SIX1: variants seen among roughly 807,000 people sequenced by gnomAD.
The protein encoded by SIX1 is SIX homeobox 1, also known as homeobox protein SIX1.
In SIX1, 11 loss-of-function variants were observed where a neutral mutation model predicts 26.5. That is an observed-to-expected ratio of 0.41 (90% CI 0.26 to 0.69). The LOEUF (loss-of-function observed/expected upper bound fraction) is 0.69, where lower values mean the gene tolerates loss of function less well. SIX1 is among the 30% of genes least tolerant of loss of function. The pLI is 0.28. For synonymous variants in SIX1, 177 were observed against 166.2 expected (o/e 1.06, Z -0.50); for missense variants, 333 against 365.9 (o/e 0.91, Z 0.73).
chr14:60,646,040 A>G lies in SIX1; in HGVS notation c.*243T>C, dbSNP rs1255208969. On this transcript the variant is annotated 3_prime_UTR_variant, in exon 2 of 2. Coordinates refer to ENST00000645694, the MANE Select transcript of SIX1 (RefSeq NM_005982.4). ...GGGTTTTTTTTTTTTTTTTTCCCTG[A>G]TCTCTGCATTGGGAAGGAAAATGCA... 10 of 283,474 alleles carry G rather than the reference A, an allele frequency of 3.5e-5. No homozygotes were observed. Among genetic ancestry groups the G allele is most frequent in the Non-Finnish European group, 5.0e-5 (8 of 161,508 alleles). The allele number at this position is 283,474 out of a possible 1,614,324, so 17.6% of individuals were successfully genotyped here.
In SIX1 at chr14:60,647,766, T is replaced by C. The variant is rs774307473; in HGVS notation, c.560+864A>G. 3.4e-4 allele frequency among the ~76,000 whole-genome samples: 52 copies of C among 152,236 alleles called. 1 individual carries two copies. The highest frequency in any genetic ancestry group is 7.3e-5 in the Non-Finnish European group (5 of 68,032). ...CACAGCCACCTCCCCACCGTCCTTC[T>C]GAATCTCTGTCCGAAACGCTATAGA... On this transcript the variant is annotated intron_variant, in intron 1 of 1. Transcript: ENST00000645694. The surrounding 1 kb of genome is among the most constrained non-coding windows in gnomAD (Gnocchi z 5.1).
At position 60,646,009 on chromosome 14, in the gene SIX1, T is replaced by G; in HGVS notation, c.*274A>C. The G allele has an allele frequency of 4.4e-5, 9 of 202,654 alleles. No individual in the cohort carries two copies. The highest frequency in any genetic ancestry group is 3.5e-5 in the Non-Finnish European group (4 of 113,834). 12.6% of individuals were successfully genotyped at this position (202,654 alleles called of 1,614,324 possible). A position where few individuals can be genotyped will look rare whatever the true frequency, so the allele number is the denominator to read the frequency against. On this transcript the variant is annotated 3_prime_UTR_variant, in exon 2 of 2. Coordinates refer to ENST00000645694, the MANE Select transcript of SIX1 (RefSeq NM_005982.4). ...AGACTGGGTGCCTGGGTGCTTTTGT[T>G]TGTTTGGGTTTTTTTTTTTTTTTTT...
At chr14:60,646,970 CAATA>C (rs1242570597) in intron 1 of SIX1, among the ~76,000 whole-genome samples, 1 of 152,168 alleles carries the variant, frequency 6.6e-6, no homozygotes, top group East Asian at 1.9e-4. Context: ...GAAAATCTTT[CAATA>C]AATAGATATT....
chr14:60,648,635 C>G lies in SIX1; in HGVS notation c.555G>C (p.Lys185Asn). Reference protein sequence around the residue: ...RRQRDRAAEAKERENTENNNS... With the variant: ...RRQRDRAAEANERENTENNNS... ...GCGGGAAGCACGCCGCGTACCTTTC[C>G]TTGGCCTCCGCGGCCCGGTCTCTTT... Residue 185 changes from lysine (K) to asparagine (N), a missense_variant, in exon 1 of 2, where the codon AAG becomes AAC. Coordinates refer to ENST00000645694, the MANE Select transcript of SIX1 (RefSeq NM_005982.4). The surrounding 1 kb of genome is among the most constrained non-coding windows in gnomAD (Gnocchi z 7.9). 1.2e-6 allele frequency: 2 copies of G among 1,612,780 alleles called. No homozygotes were observed. The highest frequency in any genetic ancestry group is 1.1e-5 in the South Asian group (1 of 90,888).
rs1389583581 is a variant in SIX1, at chr14:60,647,182, G to A, written c.561-605C>T. ...CGGCCCAGTGACCTGAGTAAACACA[G>A]GGAGCGCAGCCAGTCTCTGATTTCA... On this transcript the variant is annotated intron_variant, in intron 1 of 1. Transcript: ENST00000645694. The surrounding 1 kb of genome is among the most constrained non-coding windows in gnomAD (Gnocchi z 5.1). Among the ~76,000 whole-genome samples the A allele has an allele frequency of 6.6e-6, 1 of 152,226 alleles. No homozygotes were observed.
rs1374643924 is a variant in SIX1, at chr14:60,645,582, T to C, written c.*701A>G. 2 of 152,070 alleles carry C rather than the reference T, an allele frequency of 1.3e-5. No individual in the cohort carries two copies. Among genetic ancestry groups the C allele is most frequent in the Non-Finnish European group, 2.9e-5 (2 of 68,006 alleles). The allele number at this position is 152,070 out of a possible 1,614,324, so 9.4% of individuals were successfully genotyped here. A position where few individuals can be genotyped will look rare whatever the true frequency, so the allele number is the denominator to read the frequency against. On this transcript the variant is annotated 3_prime_UTR_variant, in exon 2 of 2. Coordinates refer to ENST00000645694, the MANE Select transcript of SIX1 (RefSeq NM_005982.4). The surrounding 1 kb of genome is among the most constrained non-coding windows in gnomAD (Gnocchi z 4.6). ...TCCCACTAAATTTGACAAAAATAGT[T>C]GCATTACTAATGGTCACGTCTATTT... is the stretch of plus-strand genomic sequence containing the variant.
Position 60,647,048 on chromosome 14 carries a change from T to C in SIX1, c.561-471A>G, listed in dbSNP as rs1489085093. Among the ~76,000 whole-genome samples the C allele has an allele frequency of 6.6e-6, 1 of 152,204 alleles. No individual in the cohort carries two copies. Among genetic ancestry groups the C allele is most frequent in the Non-Finnish European group, 1.5e-5 (1 of 68,034 alleles). Reference sequence around the variant, plus strand: ...AAATGTTTGGGGTGAATCAAGTCCATTGCCTTGTTCGCATATGAGGAGACA... The same window carrying C: ...AAATGTTTGGGGTGAATCAAGTCCACTGCCTTGTTCGCATATGAGGAGACA... On this transcript the variant is annotated intron_variant, in intron 1 of 1. Transcript: ENST00000645694. This position sits in a 1 kb window ranked among gnomAD's most constrained non-coding sequence, Gnocchi z 5.1.
In SIX1 at chr14:60,649,332, G is replaced by A. The variant is rs1009775156; in HGVS notation, c.-143C>T. ...TTTGCAAAGGCGAAAACCGGAGTCG[G>A]AACTTGGCGGTGGGCGGCCAAGGAA... On this transcript the variant is annotated 5_prime_UTR_variant, in exon 1 of 2. Transcript: ENST00000645694. This position sits in a 1 kb window ranked among gnomAD's most constrained non-coding sequence, Gnocchi z 5.1. 1.9e-5 allele frequency: 13 copies of A among 695,982 alleles called. No individual in the cohort carries two copies. The highest frequency in any genetic ancestry group is 7.9e-4 in the Middle Eastern group (2 of 2,534). The allele number at this position is 695,982 out of a possible 1,614,324, so 43.1% of individuals were successfully genotyped here. A position where few individuals can be genotyped will look rare whatever the true frequency, so the allele number is the denominator to read the frequency against.
At position 60,646,329 on chromosome 14, in the gene SIX1, G is replaced by C. The variant is rs901741650; in HGVS notation, c.809C>G (p.Ser270Cys). The C allele has an allele frequency of 1.2e-6, 2 of 1,613,800 alleles. No homozygotes were observed. The highest frequency in any genetic ancestry group is 1.1e-5 in the South Asian group (1 of 91,076). ...LQTHQHQLQD[S>C]LLGPLTSSLV... ...ACTGGAGGTGAGGGGGCCGAGCAGA[G>C]AGTCTTGGAGCTGATGCTGGTGGGT... Residue 270 changes from serine (S) to cysteine (C), a missense_variant, in exon 2 of 2, where the codon TCT (serine) becomes TGT (cysteine). This residue lies in a region of SIX1 where 199 missense variants were observed against 215.2 expected (regional missense o/e 0.92). Transcript: ENST00000645694.
rs890687687 is a variant in SIX1 at position 60,648,271 on chromosome 14, G to A, written c.560+359C>T. The stretch of plus-strand genomic sequence containing the variant: ...GCTCCCACCAAACCCCTTTCCTTGC[G>A]ACACCAATCAACATTTCACTGCCCG... On this transcript the variant is annotated intron_variant, in intron 1 of 1. Coordinates refer to ENST00000645694, the MANE Select transcript of SIX1 (RefSeq NM_005982.4). The surrounding 1 kb of genome is among the most constrained non-coding windows in gnomAD (Gnocchi z 7.9). 2.6e-5 allele frequency among the ~76,000 whole-genome samples: 4 copies of A among 152,042 alleles called. No individual in the cohort carries two copies. The highest frequency in any genetic ancestry group is 5.9e-5 in the Non-Finnish European group (4 of 68,030).
Position 60,648,653 on chromosome 14 carries a change from G to A in SIX1, c.537C>T (p.Asp179=). 1 of 1,613,960 alleles carries A rather than the reference G, an allele frequency of 6.2e-7. No individual in the cohort carries two copies. Among genetic ancestry groups the A allele is most frequent in the Admixed American group, 1.7e-5 (1 of 59,992 alleles). Residue 179 remains aspartate, a synonymous_variant, in exon 1 of 2, where the codon GAC becomes GAT. Coordinates refer to ENST00000645694, the MANE Select transcript of SIX1 (RefSeq NM_005982.4). The surrounding 1 kb of genome is among the most constrained non-coding windows in gnomAD (Gnocchi z 7.9). ...SNWFKNRRQR[D]RAAEAKEREN... ...ACCTTTCCTTGGCCTCCGCGGCCCG[G>A]TCTCTTTGCCTCCGGTTCTTAAACC...
At chr14:60,646,610 A>T (rs1443179555) in intron 1 of SIX1, 33 bp from the exon 2 acceptor site, 2 of 354,744 alleles carry the variant, frequency 5.6e-6, no homozygotes, top group Non-Finnish European at 7.9e-6. Context: ...ATATGGTTAA[A>T]AAAAAAAAAA....
chr14:60,646,301 C>G lies in SIX1; in HGVS notation c.837G>C (p.Leu279=), dbSNP rs776615090. 1 of 1,612,696 alleles carries G rather than the reference C, an allele frequency of 6.2e-7. No individual in the cohort carries two copies. The highest frequency in any genetic ancestry group is 8.5e-7 in the Non-Finnish European group (1 of 1,179,418). ...DSLLGPLTSS[L]VDLGS ...TCCCCACTTAGGACCCCAAGTCCAC[C>G]AGACTGGAGGTGAGGGGGCCGAGCA... The change falls in exon 2 of 2, where the codon CTG becomes CTC. Residue 279 remains leucine, a synonymous_variant. Transcript: ENST00000645694.
rs958922211 is a variant in SIX1, at chr14:60,643,472, C to A, written c.*2811G>T. On this transcript the variant is annotated 3_prime_UTR_variant, in exon 2 of 2. Coordinates refer to ENST00000645694, the MANE Select transcript of SIX1 (RefSeq NM_005982.4). ...CACAATGCTGTATGGTTTCGTCCTA[C>A]AAACTATTTATAAGCCGTTGTTCAT... 3 of 145,262 alleles carry A rather than the reference C, an allele frequency of 2.1e-5. No homozygotes were observed. Among genetic ancestry groups the A allele is most frequent in the African/African-American group, 5.1e-5 (2 of 39,136 alleles). The allele number at this position is 145,262 out of a possible 1,614,324, so 9.0% of individuals were successfully genotyped here.
chr14:60,644,204 GA>G lies in SIX1; in HGVS notation c.*2078del, dbSNP rs1894903064. ...GGTGTTTGTTTTGGGGAGTGAATGT[GA>G]AGAATGTGAGGAGATTCCCTGTGAG... On this transcript the variant is annotated 3_prime_UTR_variant, in exon 2 of 2. Coordinates refer to ENST00000645694, the MANE Select transcript of SIX1 (RefSeq NM_005982.4). The G allele has an allele frequency of 6.6e-6, 1 of 152,254 alleles. No individual in the cohort carries two copies. Among genetic ancestry groups the G allele is most frequent in the Non-Finnish European group, 1.5e-5 (1 of 68,066 alleles). The allele number at this position is 152,254 out of a possible 1,614,324, so 9.4% of individuals were successfully genotyped here. A position where few individuals can be genotyped will look rare whatever the true frequency, so the allele number is the denominator to read the frequency against.
chr14:60,646,183 C>G lies in SIX1; in HGVS notation c.*100G>C. On this transcript the variant is annotated 3_prime_UTR_variant, in exon 2 of 2. Transcript: ENST00000645694. ...CTTTATGCGCAAACAACTCCAGAAA[C>G]AAGCTGCAAAAATGTTCCTGATTTC... is the stretch of plus-strand genomic sequence containing the variant. 2.5e-6 allele frequency: 3 copies of G among 1,191,376 alleles called. No homozygotes were observed. The highest frequency in any genetic ancestry group is 3.5e-6 in the Non-Finnish European group (3 of 850,294). The allele number at this position is 1,191,376 out of a possible 1,614,324, so 73.8% of individuals were successfully genotyped here.
In SIX1 at chr14:60,649,225, C is replaced by A. The variant is rs757701604; in HGVS notation, c.-36G>T. ...TGCCGGGGCGCACGGCCCAGGCGCA[C>A]GCGGCAGGGAGCAGAGCCGAGAGGC... On this transcript the variant is annotated 5_prime_UTR_variant, in exon 1 of 2. Coordinates refer to ENST00000645694, the MANE Select transcript of SIX1 (RefSeq NM_005982.4). The surrounding 1 kb of genome is among the most constrained non-coding windows in gnomAD (Gnocchi z 5.1). The A allele has an allele frequency of 1.9e-6, 3 of 1,591,308 alleles. No individual in the cohort carries two copies. The highest frequency in any genetic ancestry group is 2.7e-5 in the African/African-American group (2 of 74,802).
rs756109319 is a variant in SIX1 at position 60,648,959 on chromosome 14, A to T, written c.231T>A (p.Pro77=). 1.2e-6 allele frequency: 2 copies of T among 1,614,020 alleles called. No individual in the cohort carries two copies. The highest frequency in any genetic ancestry group is 2.7e-5 in the African/African-American group (2 of 74,928). The change falls in exon 1 of 2, where the codon CCT becomes CCA. Residue 77 remains proline, a synonymous_variant. Transcript: ENST00000645694. This position sits in a 1 kb window ranked among gnomAD's most constrained non-coding sequence, Gnocchi z 7.9. ...YKILESHQFS[P]HNHPKLQQLW... is the part of the protein sequence containing the mutation. The stretch of plus-strand genomic sequence containing the variant: ...GTTGCTGCAGTTTGGGGTGGTTGTG[A>T]GGCGAGAACTGGTGGCTCTCCAGGA...
chr14:60,649,165 A>G lies in SIX1; in HGVS notation c.25T>C (p.Phe9Leu). Residue 9 changes from phenylalanine (F) to leucine (L), a missense_variant, in exon 1 of 2, where the codon TTT becomes CTT. Transcript: ENST00000645694. The surrounding 1 kb of genome is among the most constrained non-coding windows in gnomAD (Gnocchi z 5.1). ...ACGCACGCCACTTGCTCCTGCGTAA[A>G]GCCAAACGACGGCAGCATCGACATG... MSMLPSFG[F>L]TQEQVACVCE... 3.1e-6 allele frequency: 5 copies of G among 1,610,690 alleles called. No individual in the cohort carries two copies. The highest frequency in any genetic ancestry group is 4.2e-6 in the Non-Finnish European group (5 of 1,179,864).
Sources: gnomAD v4.1 joint callset for allele counts (sites outside exome capture counted in the v4.1 genomes callset) on GRCh38, gnomAD v4.1.1 for gene constraint, gnomAD v4.1.1 regional missense constraint, Gnocchi (gnomAD v3.1) non-coding constraint, MANE v1.5 for transcripts, NCBI Gene and HGNC (gene_info 2026-07-23, HGNC 2026-07-21) for gene names.